The following TNKS variants were observed in gnomAD, a reference collection of about 807,000 sequenced individuals.
TNKS encodes the protein poly [ADP-ribose] polymerase tankyrase-1.
In TNKS, 72 loss-of-function variants were observed where a neutral mutation model predicts 135.8. The ratio of observed to expected loss-of-function variants is 0.53; its 90% confidence interval spans 0.44 to 0.64. The LOEUF is 0.64. TNKS is among the 30% of genes least tolerant of loss of function. TNKS has a pLI of 0.00. For synonymous variants in TNKS, 849 were observed against 649.3 expected, an observed-to-expected ratio of 1.31 and a Z score of -4.68; for missense variants, 1,769 against 1,674.0, an observed-to-expected ratio of 1.06 and a Z score of -0.99.
intron 1 of TNKS, among the ~76,000 whole-genome samples, chr8:9,568,885 A>G (rs550028916): frequency 2.6e-5 from 4 of 152,306 alleles, no homozygotes; most frequent in African/African-American, 9.6e-5. Flanking sequence ...AAATCAGTGA[A>G]TTTTTTTATA....
chr8:9,574,674 A>T (rs530840025), intron 1 of TNKS, among the ~76,000 whole-genome samples: 2 of 152,232 alleles, frequency 1.3e-5, no homozygotes, highest in East Asian at 1.9e-4. Flanking sequence ...TATTTTCTTC[A>T]AATTCTTCAC....
At chr8:9,703,716 C>G (rs375981371) in intron 5 of TNKS, among the ~76,000 whole-genome samples, 10 of 152,082 alleles carry the variant, frequency 6.6e-5, no homozygotes, top group East Asian at 3.9e-4. Flanking sequence ...AATTAAAAAT[C>G]TTATTAAATC....
At chr8:9,662,682 A>G (rs765988954) in intron 3 of TNKS, among the ~76,000 whole-genome samples, 2 of 152,228 alleles carry the variant, frequency 1.3e-5, no homozygotes, top group Non-Finnish European at 2.9e-5. Flanking sequence ...CCAACATGGC[A>G]TATGTATACA....
chr8:9,693,199 T>C (rs966401866), intron 5 of TNKS, among the ~76,000 whole-genome samples: 8 of 152,152 alleles, frequency 5.3e-5, no homozygotes, highest in Non-Finnish European at 8.8e-5. Context: ...CATTACTAAA[T>C]AATTATGGTA....
intron 20 of TNKS, among the ~76,000 whole-genome samples, chr8:9,753,637 A>G (rs902962541): frequency 7.9e-5 from 12 of 152,354 alleles, no homozygotes; most frequent in African/African-American, 2.9e-4. Context: ...GACTATTGAT[A>G]TACATGAAAT....
chr8:9,578,509 C>G (rs1798044766), intron 1 of TNKS, among the ~76,000 whole-genome samples: 1 of 152,164 alleles, frequency 6.6e-6, no homozygotes, highest in South Asian at 2.1e-4. Context: ...CTACGGAAAC[C>G]TCATTCTGAC....
intron 2 of TNKS, among the ~76,000 whole-genome samples, chr8:9,595,583 G>A (rs966539595): frequency 2.0e-5 from 3 of 151,804 alleles, no homozygotes; most frequent in African/African-American, 7.3e-5. Flanking sequence ...CTTATTAATT[G>A]TGTTTTATTA....
At chr8:9,718,227 CTCTAGCT>C (rs1481185088) in intron 11 of TNKS, among the ~76,000 whole-genome samples, 1 of 149,210 alleles carries the variant, frequency 6.7e-6, no homozygotes, top group Non-Finnish European at 1.5e-5. Flanking sequence ...TGCAGTGTCA[CTCTAGCT>C]AAAGAGTACA....
chr8:9,711,939 G>A (rs1804353786), intron 11 of TNKS, among the ~76,000 whole-genome samples: 1 of 152,114 alleles, frequency 6.6e-6, no homozygotes, highest in Non-Finnish European at 1.5e-5. Context: ...TGGTTTTAGG[G>A]TAGATTTTGA....
Position 9,779,339 on chromosome 8 carries a change from A to G in TNKS, c.*2603A>G, listed in dbSNP as rs1254974037. 6.6e-6 allele frequency: 1 copy of G among 152,550 alleles called. No homozygotes were observed. The highest frequency in any genetic ancestry group is 6.5e-5 in the Admixed American group (1 of 15,284). The allele number at this position is 152,550 out of a possible 1,614,324, so 9.4% of individuals were successfully genotyped here. ...TAGGCTGAAGTCTTTTATTTTTTGT[A>G]TATGTACTATATAGAAATACTAGCA... On this transcript the variant is annotated 3_prime_UTR_variant, in exon 27 of 27. Transcript: ENST00000310430.
intron 3 of TNKS, among the ~76,000 whole-genome samples, chr8:9,635,164 C>G (rs1346903039): frequency 1.3e-5 from 2 of 149,102 alleles, no homozygotes; most frequent in South Asian, 4.2e-4. Flanking sequence ...AGCGAGACTC[C>G]GTCTCGGGGA....
At chr8:9,717,072 A>T (rs4524796) in intron 11 of TNKS, among the ~76,000 whole-genome samples, 4,631 of 78,572 alleles carry the variant, frequency 0.059, 722 homozygotes, top group Admixed American at 0.095. Context: ...GTTGTATTAT[A>T]ATATATATAT....
At chr8:9,591,065 A>G (rs972358129) in intron 2 of TNKS, among the ~76,000 whole-genome samples, 1 of 152,194 alleles carries the variant, frequency 6.6e-6, no homozygotes, top group South Asian at 2.1e-4. Flanking sequence ...TTTGGAATTG[A>G]TGTTTGGAGA....
At chr8:9,583,876 T>C (rs1798264769) in intron 2 of TNKS, among the ~76,000 whole-genome samples, 1 of 151,568 alleles carries the variant, frequency 6.6e-6, no homozygotes, top group Non-Finnish European at 1.5e-5. Flanking sequence ...ATATAAGATC[T>C]GGGAGTCGGA....
intron 5 of TNKS, among the ~76,000 whole-genome samples, chr8:9,699,380 T>A (rs1427037752): frequency 6.6e-6 from 1 of 152,212 alleles, no homozygotes; most frequent in Non-Finnish European, 1.5e-5. Flanking sequence ...ATTTGGTAAA[T>A]AGCAGTTGTA....
At chr8:9,572,885 C>G (rs1268225906) in intron 1 of TNKS, among the ~76,000 whole-genome samples, 8 of 152,006 alleles carry the variant, frequency 5.3e-5, no homozygotes, top group Non-Finnish European at 1.5e-5. Flanking sequence ...TTTTTAAACT[C>G]ATAGGTATTG....
chr8:9,720,734 T>C (rs906102876), intron 12 of TNKS, among the ~76,000 whole-genome samples, 189 bp downstream of exon 12: 17 of 152,192 alleles, frequency 1.1e-4, no homozygotes, highest in Non-Finnish European at 1.5e-5. Flanking sequence ...AGGAAGCAGA[T>C]ACAGCTTTTA....
chr8:9,638,104 A>G (rs1186334725), intron 3 of TNKS, among the ~76,000 whole-genome samples: 2 of 152,144 alleles, frequency 1.3e-5, no homozygotes, highest in African/African-American at 4.8e-5. Context: ...AAACCCAAGT[A>G]GCTAAGACTA....
intron 3 of TNKS, among the ~76,000 whole-genome samples, chr8:9,652,639 T>A (rs1801188633): frequency 6.6e-6 from 1 of 152,198 alleles, no homozygotes; most frequent in Non-Finnish European, 1.5e-5. Context: ...TTCACTGACA[T>A]TAATGAAAAG....
Sources: gnomAD v4.1 joint callset for allele counts (sites outside exome capture counted in the v4.1 genomes callset) on GRCh38, gnomAD v4.1.1 for gene constraint, MANE v1.5 for transcripts, NCBI Gene and HGNC (gene_info 2026-07-23, HGNC 2026-07-21) for gene names.